Variants in KMT2A observed in about 807,000 individuals in gnomAD.
KMT2A encodes lysine methyltransferase 2A, also known as histone-lysine N-methyltransferase 2A.
KMT2A carries 16 observed loss-of-function variants against 345.3 expected under a neutral mutation model. The observed-to-expected ratio is 0.05, with a 90% CI of 0.03 to 0.07. The LOEUF (loss-of-function observed/expected upper bound fraction) is 0.07, where lower values mean the gene tolerates loss of function less well. Among genes scored for constraint, KMT2A ranks in the 10% least tolerant of loss-of-function variants. The pLI is 1.00. For synonymous variants in KMT2A, 1,599 were observed against 1,778.6 expected (o/e 0.90, Z 2.54); for missense variants, 3,272 against 4,841.6 (o/e 0.68, Z 9.62).
rs9332812 is a variant in KMT2A at position 118,491,991 on chromosome 11, CT to C, written c.5004+67del. 2.3e-4 allele frequency: 279 copies of C among 1,191,984 alleles called. No individual in the cohort carries two copies. The South Asian group carries it at 3.9e-3, about 17-fold the overall frequency. 73.8% of individuals were successfully genotyped at this position (1,191,984 alleles called of 1,614,324 possible). A position where few individuals can be genotyped will look rare whatever the true frequency, so the allele number is the denominator to read the frequency against. ...TAGGTAGTCTTTACCTAGTGTTTTTCTTTTGTTTTACTTCATTCTCCTCACT... is the reference window on the plus strand; with the variant it reads ...TAGGTAGTCTTTACCTAGTGTTTTTCTTTGTTTTACTTCATTCTCCTCACT... On this transcript the variant is annotated intron_variant, in intron 15 of 35. Coordinates refer to ENST00000534358, the MANE Select transcript of KMT2A (RefSeq NM_001197104.2). The surrounding 1 kb of genome is among the most constrained non-coding windows in gnomAD (Gnocchi z 4.2).
rs782142171 is a variant in KMT2A at position 118,510,023 on chromosome 11, G to A, written c.10976G>A (p.Arg3659Gln). The change falls in exon 30 of 36, where the codon CGG (arginine) becomes CAG (glutamine). Residue 3659 changes from arginine (R) to glutamine (Q), a missense_variant. Transcript: ENST00000534358. The surrounding 1 kb of genome is among the most constrained non-coding windows in gnomAD (Gnocchi z 4.1). ...LMLWLQQEQKRKESITEKKPK... is the reference protein window; with the variant it reads ...LMLWLQQEQKQKESITEKKPK... ...CTTTGGCTTCAGCAAGAACAAAAGC[G>A]GAAGGAAAGCATTACTGAGAAAAAA... is the stretch of plus-strand genomic sequence containing the variant. 1.7e-5 allele frequency: 28 copies of A among 1,613,634 alleles called. No homozygotes were observed. Among genetic ancestry groups the A allele is most frequent in the Middle Eastern group, 1.6e-4 (1 of 6,084 alleles).
chr11:118,519,950 G>A lies in KMT2A; in HGVS notation c.11322-7G>A. The A allele has an allele frequency of 6.2e-7, 1 of 1,608,514 alleles. No homozygotes were observed. The highest frequency in any genetic ancestry group is 8.5e-7 in the Non-Finnish European group (1 of 1,175,834). On this transcript the variant is annotated splice_region_variant and splice_polypyrimidine_tract_variant and intron_variant, in intron 32 of 35. Coordinates refer to ENST00000534358, the MANE Select transcript of KMT2A (RefSeq NM_001197104.2). Reference sequence around the variant, plus strand: ...TCTCTAAATATGTTTTAATCTTTTGGCCCCAGGAAGTCAGCATTTGACATG... The same window carrying A: ...TCTCTAAATATGTTTTAATCTTTTGACCCCAGGAAGTCAGCATTTGACATG...
At chr11:118,466,777 C>T (rs190750820) in intron 1 of KMT2A, among the ~76,000 whole-genome samples, 60 of 151,120 alleles carry the variant, frequency 4.0e-4, no homozygotes, top group African/African-American at 1.3e-3. Flanking sequence ...CCAGCCTGGG[C>T]GACAGAGCAA....
intron 1 of KMT2A, chr11:118,458,161 G>C: frequency 2.5e-6 from 1 of 400,086 alleles, no homozygotes; most frequent in South Asian, 1.7e-5. Context: ...ACAGTTCACT[G>C]CAGCCTGTAT....
rs781927823 is a variant in KMT2A, at chr11:118,503,211, T to A, written c.7319T>A (p.Phe2440Tyr). 8.7e-6 allele frequency: 14 copies of A among 1,613,934 alleles called. No homozygotes were observed. In the East Asian group the frequency reaches 3.1e-4, roughly 36 times the overall value. The change falls in exon 27 of 36, where the codon TTC (phenylalanine) becomes TAC (tyrosine). Residue 2440 changes from phenylalanine (F) to tyrosine (Y), a missense_variant. Phe to Tyr is a conservative substitution (Grantham distance 22, BLOSUM62 3). Around this residue, in one of 27 missense-constraint regions of KMT2A, gnomAD observed 445 missense variants for 500.9 expected, o/e 0.89. Transcript: ENST00000534358. This position sits in a 1 kb window ranked among gnomAD's most constrained non-coding sequence, Gnocchi z 5.3. The stretch of plus-strand genomic sequence containing the variant: ...GGGAAAAAATCCTGTAAAGAAACTT[T>A]CAAAGAAAAGCATTCCAGTAAATCT... ...QKGKKSCKET[F>Y]KEKHSSKSFL...
At chr11:118,454,758 A>G (rs1268104471) in intron 1 of KMT2A, among the ~76,000 whole-genome samples, 1 of 152,212 alleles carries the variant, frequency 6.6e-6, no homozygotes. Context: ...TTCCAATACA[A>G]TTTTATTTAT....
At chr11:118,482,159 A>G in intron 7 of KMT2A, 67 bp downstream of exon 7, 1 of 1,494,434 alleles carries the variant, frequency 6.7e-7, no homozygotes, top group Non-Finnish European at 8.9e-7. Flanking sequence ...TGATGTCTCA[A>G]ACAGCATTTG....
chr11:118,480,524 G>C (rs1555038933), intron 6 of KMT2A, among the ~76,000 whole-genome samples: 1 of 151,954 alleles, frequency 6.6e-6, no homozygotes, highest in African/African-American at 2.4e-5. Context: ...GATCAACTTG[G>C]CATTAACTTT....
chr11:118,480,590 A>G (rs1950113585), intron 6 of KMT2A, among the ~76,000 whole-genome samples: 1 of 152,060 alleles, frequency 6.6e-6, no homozygotes, highest in Admixed American at 6.6e-5. Flanking sequence ...GTTGTGTCAC[A>G]TTTCTACGCT....
At chr11:118,499,635 C>T (rs1347221208) in intron 23 of KMT2A, among the ~76,000 whole-genome samples, 200 bp from the exon 24 acceptor site, 2 of 152,082 alleles carry the variant, frequency 1.3e-5, no homozygotes, top group Admixed American at 6.6e-5. Flanking sequence ...AAAAAATTAG[C>T]TGGGAGTGGT....
chr11:118,491,744 A>T lies in KMT2A; in HGVS notation c.4820A>T (p.Asp1607Val). The T allele has an allele frequency of 6.3e-7, 1 of 1,591,980 alleles. No individual in the cohort carries two copies. Among genetic ancestry groups the T allele is most frequent in the Non-Finnish European group, 8.6e-7 (1 of 1,169,138 alleles). Residue 1607 changes from aspartate (D) to valine (V), a missense_variant and splice_region_variant, in exon 15 of 36, where the codon GAT becomes GTT. Physicochemically the swap from Asp to Val is radical, Grantham distance 152 (BLOSUM62 -3). Transcript: ENST00000534358. The surrounding 1 kb of genome is among the most constrained non-coding windows in gnomAD (Gnocchi z 4.2). Reference sequence around the variant, plus strand: ...TCATGGTAGGTTTTTGTTTTCTTAGATGAGATGTATGAGATTCTATCTAAT... The same window carrying T: ...TCATGGTAGGTTTTTGTTTTCTTAGTTGAGATGTATGAGATTCTATCTAAT... ...SKCENLSGTEDEMYEILSNLP... is the reference protein window; with the variant it reads ...SKCENLSGTEVEMYEILSNLP...
chr11:118,507,647 A>G (rs1950608344), intron 28 of KMT2A, 38 bp downstream of exon 28: 5 of 1,526,350 alleles, frequency 3.3e-6, no homozygotes, highest in Non-Finnish European at 4.5e-6. Flanking sequence ...CTAAGCTCTC[A>G]GTTTTGTCCA....
intron 1 of KMT2A, among the ~76,000 whole-genome samples, chr11:118,451,198 T>G (rs1419185289): frequency 6.6e-6 from 1 of 150,756 alleles, no homozygotes; most frequent in Non-Finnish European, 1.5e-5. Context: ...TGAAACTTGC[T>G]ATCTAATTCT....
At chr11:118,439,158 C>CAAAAAAAAAAAAAAG in intron 1 of KMT2A, 2 of 265,450 alleles carry the variant, frequency 7.5e-6, no homozygotes, top group South Asian at 2.5e-5. Context: ...GATACAGCAG[C>CAAAAAAAAAAAAAAG]AAAAAAAAAA....
intron 2 of KMT2A, among the ~76,000 whole-genome samples, chr11:118,469,761 C>G (rs1425916583): frequency 6.6e-6 from 1 of 152,182 alleles, no homozygotes; most frequent in Admixed American, 6.5e-5. Flanking sequence ...TTGACATTGA[C>G]TTAGCTTGTG....
chr11:118,472,281 A>G lies in KMT2A; in HGVS notation c.1122A>G (p.Gln374=), dbSNP rs1555035806. Residue 374 remains glutamine (Q), a synonymous_variant, in exon 3 of 36, where the codon CAA becomes CAG. Transcript: ENST00000534358. ...SKRTDATIAK[Q]LLQRAKKGAQ... is the part of the protein sequence containing the mutation. ...GGACAGATGCAACCATTGCTAAGCA[A>G]CTCTTACAGAGGGCAAAAAAGGGGG... 2 of 1,614,068 alleles carry G rather than the reference A, an allele frequency of 1.2e-6. No individual in the cohort carries two copies. Among genetic ancestry groups the G allele is most frequent in the Admixed American group, 3.3e-5 (2 of 59,998 alleles).
chr11:118,442,842 A>G (rs1259599971), intron 1 of KMT2A, among the ~76,000 whole-genome samples: 2 of 152,200 alleles, frequency 1.3e-5, no homozygotes, highest in African/African-American at 4.8e-5. Flanking sequence ...TTCAAAATAC[A>G]GTATGTTCTT....
At chr11:118,471,416 CTTTT>C (rs1208439726) in intron 2 of KMT2A, among the ~76,000 whole-genome samples, 14 of 152,070 alleles carry the variant, frequency 9.2e-5, no homozygotes, top group African/African-American at 3.1e-4. Context: ...CAACTGAAAA[CTTTT>C]TATTATCTTT....
At position 118,512,001 on chromosome 11, in the gene KMT2A, C is replaced by T. The variant is rs1950697370; in HGVS notation, c.11122C>T (p.Arg3708Cys). The T allele has an allele frequency of 6.2e-7, 1 of 1,613,980 alleles. No homozygotes were observed. Among genetic ancestry groups the T allele is most frequent in the Non-Finnish European group, 8.5e-7 (1 of 1,179,944 alleles). Residue 3708 changes from arginine to cysteine, a missense_variant, in exon 31 of 36, where the codon CGC becomes TGC. Physicochemically the swap from Arg to Cys is radical, Grantham distance 180. Coordinates refer to ENST00000534358, the MANE Select transcript of KMT2A (RefSeq NM_001197104.2). ...AGTCCAGGAAGCTCGATCAAATGCC[C>T]GCCTAAAGCAGCTCTCATTTGCAGG... is the stretch of plus-strand genomic sequence containing the variant. ...DKVQEARSNA[R>C]LKQLSFAGVN... is the part of the protein sequence containing the mutation.
Sources: allele counts gnomAD v4.1 joint callset (sites outside exome capture counted in the v4.1 genomes callset), GRCh38; gene constraint gnomAD v4.1.1; regional missense constraint gnomAD v4.1.1; non-coding constraint Gnocchi (gnomAD v3.1); transcripts MANE v1.5; gene names NCBI Gene and HGNC (gene_info 2026-07-23, HGNC 2026-07-21).